Variants in DTNB observed in about 807,000 individuals in gnomAD.
The protein encoded by DTNB is dystrobrevin beta, also known as DTN-B.
A neutral mutation model predicts 90.7 loss-of-function variants in DTNB; 63 were observed. The observed-to-expected ratio is 0.69, with a 90% CI of 0.57 to 0.86. The LOEUF is 0.86. DTNB is among the 40% of genes least tolerant of loss of function. The pLI is 0.00. For missense variants in DTNB, 744 were observed against 807.1 expected (o/e 0.92, Z 0.95); for synonymous variants, 277 against 286.7 (o/e 0.97, Z 0.34).
chr2:25,377,717 T>G (rs2036226064), intron 20 of DTNB, among the ~76,000 whole-genome samples, 164 bp from the exon 21 acceptor site: 1 of 152,206 alleles, frequency 6.6e-6, no homozygotes, highest in African/African-American at 2.4e-5. Flanking sequence ...TCCTCTGCCA[T>G]CATTCCTAAG....
At position 25,652,652 on chromosome 2, in the gene DTNB, C is replaced by G. The variant is rs1239513444; in HGVS notation, c.9G>C (p.Glu3Asp). 4 of 1,612,458 alleles carry G rather than the reference C, an allele frequency of 2.5e-6. No homozygotes were observed. Among genetic ancestry groups the G allele is most frequent in the Non-Finnish European group, 3.4e-6 (4 of 1,179,594 alleles). The change falls in exon 2 of 21, where the codon GAG becomes GAC. Residue 3 changes from glutamate to aspartate, a missense_variant. Glu to Asp is a conservative substitution (Grantham distance 45). Transcript: ENST00000406818. Reference protein sequence around the residue: MIEESGNKRKTMA... With the variant: MIDESGNKRKTMA... The stretch of plus-strand genomic sequence containing the variant: ...TGGTCTTCCGCTTGTTCCCACTTTC[C>G]TCAATCATCCTAGAGACAAAGAAAG...
chr2:25,634,094 G>A (rs1559326505), intron 3 of DTNB, among the ~76,000 whole-genome samples: 3 of 151,012 alleles, frequency 2.0e-5, no homozygotes, highest in East Asian at 2.0e-4. Context: ...CAGCCGCCCC[G>A]TCCGGGAGGG....
intron 9 of DTNB, among the ~76,000 whole-genome samples, chr2:25,519,525 A>C (rs2075767359): frequency 6.6e-6 from 1 of 152,166 alleles, no homozygotes; most frequent in South Asian, 2.1e-4. Context: ...CAAGTTGAGA[A>C]TCCCTTATCC....
chr2:25,418,083 G>T (rs1321947177), intron 16 of DTNB, among the ~76,000 whole-genome samples: 1 of 152,132 alleles, frequency 6.6e-6, no homozygotes, highest in African/African-American at 2.4e-5. Flanking sequence ...ATGCAGAAAC[G>T]CCAGAGATGG....
intron 15 of DTNB, 69 bp downstream of exon 15, chr2:25,427,466 G>T: frequency 6.7e-7 from 1 of 1,483,626 alleles, no homozygotes; most frequent in Non-Finnish European, 9.3e-7. Flanking sequence ...TGACATCACA[G>T]GGAGGCAGCA....
chr2:25,402,736 G>A (rs965774342), intron 16 of DTNB, among the ~76,000 whole-genome samples: 1 of 152,186 alleles, frequency 6.6e-6, no homozygotes, highest in Non-Finnish European at 1.5e-5. Context: ...GAGGCAAGCT[G>A]CGGTAAGACA....
chr2:25,415,785 T>C (rs1035677335), intron 16 of DTNB, among the ~76,000 whole-genome samples: 1 of 152,086 alleles, frequency 6.6e-6, no homozygotes, highest in African/African-American at 2.4e-5. Flanking sequence ...CAGGAGGTGG[T>C]ATATACCCCA....
At chr2:25,633,320 C>T (rs2076190074) in intron 3 of DTNB, among the ~76,000 whole-genome samples, 1 of 152,204 alleles carries the variant, frequency 6.6e-6, no homozygotes, top group Admixed American at 6.5e-5. Context: ...CGCGCCGCCA[C>T]GCCTGACTGG....
intron 4 of DTNB, among the ~76,000 whole-genome samples, chr2:25,627,111 C>T (rs2074341322): frequency 6.6e-6 from 1 of 152,112 alleles, no homozygotes; most frequent in Non-Finnish European, 1.5e-5. Flanking sequence ...GGTTCCTAGA[C>T]ATAAAGAGAA....
intron 10 of DTNB, among the ~76,000 whole-genome samples, chr2:25,456,864 G>A (rs368571993): frequency 6.6e-6 from 1 of 151,884 alleles, no homozygotes; most frequent in African/African-American, 2.4e-5. Context: ...CACTGCGCCC[G>A]GCCCCAGTCA....
At chr2:25,667,233 A>T (rs1310867487) in intron 1 of DTNB, among the ~76,000 whole-genome samples, 2 of 152,148 alleles carry the variant, frequency 1.3e-5, no homozygotes, top group Non-Finnish European at 2.9e-5. Context: ...TCACGTCTTT[A>T]ATCCCAACAC....
At chr2:25,662,160 AAAAAAAAAC>A (rs2083314607) in intron 1 of DTNB, among the ~76,000 whole-genome samples, 1 of 151,970 alleles carries the variant, frequency 6.6e-6, no homozygotes, top group Non-Finnish European at 1.5e-5. Flanking sequence ...CGTCTCAAAA[AAAAAAAAAC>A]AAAAAAAACA....
At chr2:25,518,451 C>T (rs557230965) in intron 9 of DTNB, among the ~76,000 whole-genome samples, 1 of 152,174 alleles carries the variant, frequency 6.6e-6, no homozygotes, top group Non-Finnish European at 1.5e-5. Context: ...CTCACTGCAC[C>T]ATACTCATCA....
chr2:25,407,800 A>T (rs1048097779), intron 16 of DTNB, among the ~76,000 whole-genome samples: 1 of 152,198 alleles, frequency 6.6e-6, no homozygotes, highest in Non-Finnish European at 1.5e-5. Context: ...CGTGAAGGAT[A>T]AAAAACTACA....
intron 3 of DTNB, among the ~76,000 whole-genome samples, chr2:25,633,206 G>A (rs1370076095): frequency 6.6e-6 from 1 of 151,908 alleles, no homozygotes; most frequent in Non-Finnish European, 1.5e-5. Flanking sequence ...GTCTCCCTCT[G>A]ATGCCGAGCC....
chr2:25,387,982 G>A lies in DTNB; in HGVS notation c.1735+220C>T, dbSNP rs1458467486. On this transcript the variant is annotated intron_variant, in intron 17 of 20. Coordinates refer to ENST00000406818, the MANE Select transcript of DTNB (RefSeq NM_021907.5). The surrounding 1 kb of genome is among the most constrained non-coding windows in gnomAD (Gnocchi z 4.5). ...GAAAAAAGGGCAGAGAACCCCAGGA[G>A]GCCTGTTCTTGGCACACATAGGAAG... Among the ~76,000 whole-genome samples the A allele has an allele frequency of 1.3e-5, 2 of 152,208 alleles. No individual in the cohort carries two copies. The highest frequency in any genetic ancestry group is 1.3e-4 in the Admixed American group (2 of 15,284).
At chr2:25,584,502 C>T (rs1454214588) in intron 6 of DTNB, among the ~76,000 whole-genome samples, 2 of 151,792 alleles carry the variant, frequency 1.3e-5, no homozygotes, top group African/African-American at 4.8e-5. Flanking sequence ...TTTATGTTAA[C>T]ATATAATAGG....
chr2:25,549,271 TC>T (rs1254186094), intron 8 of DTNB, among the ~76,000 whole-genome samples: 3 of 151,922 alleles, frequency 2.0e-5, no homozygotes, highest in Admixed American at 2.0e-4. Flanking sequence ...TTAAATTTAA[TC>T]ATAGGACTTA....
intron 10 of DTNB, among the ~76,000 whole-genome samples, chr2:25,471,705 A>G (rs758489334): frequency 6.6e-6 from 1 of 152,082 alleles, no homozygotes; most frequent in Non-Finnish European, 1.5e-5. Flanking sequence ...TCTGGCCTGC[A>G]TCAAAAATCT....
Sources: gnomAD v4.1 joint callset for allele counts (sites outside exome capture counted in the v4.1 genomes callset) on GRCh38, gnomAD v4.1.1 for gene constraint, Gnocchi (gnomAD v3.1) non-coding constraint, MANE v1.5 for transcripts, NCBI Gene and HGNC (gene_info 2026-07-23, HGNC 2026-07-21) for gene names.